DYSF: variants seen among roughly 807,000 people sequenced by gnomAD.
DYSF encodes dystrophy-associated fer-1-like 1.
In DYSF, 212 loss-of-function variants were observed where a neutral mutation model predicts 274.9. That is an observed-to-expected ratio of 0.77 (90% CI 0.69 to 0.86). The LOEUF (loss-of-function observed/expected upper bound fraction) is 0.86. Ranked by LOEUF, DYSF falls within the 40% of genes least tolerant of loss-of-function variation. The pLI, the probability that DYSF is intolerant of heterozygous loss-of-function variation, is 0.00. For synonymous variants in DYSF, 1,091 were observed against 1,078.7 expected (o/e 1.01, Z -0.22); for missense variants, 2,666 against 2,783.2 (o/e 0.96, Z 0.95).
intron 3 of DYSF, among the ~76,000 whole-genome samples, chr2:71,502,244 A>T (rs138551174): frequency 6.6e-6 from 1 of 152,034 alleles, no homozygotes; most frequent in South Asian, 2.1e-4. Flanking sequence ...TCTATATTCC[A>T]ATCAATATTT....
At chr2:71,528,488 G>A (rs1233985944) in intron 14 of DYSF, 87 bp downstream of exon 14, 1 of 1,131,096 alleles carries the variant, frequency 8.8e-7, no homozygotes, top group Middle Eastern at 2.1e-4. Context: ...AAGACAGAGT[G>A]AGATGCCCCC....
chr2:71,673,960 G>A (rs2095174697), intron 51 of DYSF, among the ~76,000 whole-genome samples: 1 of 152,172 alleles, frequency 6.6e-6, no homozygotes, highest in South Asian at 2.1e-4. Context: ...ACAGAGTTGG[G>A]AGGATTAATG....
In DYSF at chr2:71,612,668, C is replaced by A. The variant is rs376134165; in HGVS notation, c.4249C>A (p.Pro1417Thr). 1.9e-6 allele frequency: 3 copies of A among 1,614,132 alleles called. No individual in the cohort carries two copies. The highest frequency in any genetic ancestry group is 1.7e-5 in the Admixed American group (1 of 60,014). Reference protein sequence around the residue: ...VMLPREELYCPPITVKVIDNR... With the variant: ...VMLPREELYCTPITVKVIDNR... ...GCTGCCCAGGGAGGAGCTCTACTGC[C>A]CCCCCATCACCGTCAAGGTCATCGA... Residue 1417 changes from proline (P) to threonine (T), a missense_variant, in exon 39 of 56, where the codon CCC becomes ACC. This residue lies in a region of DYSF where 1,460 missense variants were observed against 1,502.1 expected (regional missense o/e 0.97). Coordinates refer to ENST00000410020, the MANE Select transcript of DYSF (RefSeq NM_001130987.2).
At chr2:71,650,397 C>T (rs2094635362) in intron 42 of DYSF, among the ~76,000 whole-genome samples, 1 of 152,146 alleles carries the variant, frequency 6.6e-6, no homozygotes, top group African/African-American at 2.4e-5. Context: ...AGGAGAATCG[C>T]TTGAACCTGG....
intron 45 of DYSF, among the ~76,000 whole-genome samples, chr2:71,663,926 CT>C (rs745961975): frequency 6.6e-6 from 1 of 152,200 alleles, no homozygotes; most frequent in Non-Finnish European, 1.5e-5. Context: ...GCTCTGGCCC[CT>C]GGCTCTGGAG....
Position 71,665,218 on chromosome 2 carries a change from T to G in DYSF, c.5231T>G (p.Phe1744Cys). The change falls in exon 47 of 56, where the codon TTC (phenylalanine) becomes TGC (cysteine). Residue 1744 changes from phenylalanine to cysteine, a missense_variant. Phe to Cys is a radical substitution (Grantham distance 205). Transcript: ENST00000410020. Reference protein sequence around the residue: ...QLRPSQLLHLFCQQHRVKAPV... With the variant: ...QLRPSQLLHLCCQQHRVKAPV... ...CGCCCCTCCCAGCTCCTCCACCTCT[T>G]CTGCCAGCAGCATAGAGTCAAGGCA... 6.2e-7 allele frequency: 1 copy of G among 1,614,088 alleles called. No homozygotes were observed. The highest frequency in any genetic ancestry group is 8.5e-7 in the Non-Finnish European group (1 of 1,180,032).
Position 71,611,455 on chromosome 2 carries a change from G to T in DYSF, c.4060-10G>T, listed in dbSNP as rs1464571468. On this transcript the variant is annotated splice_polypyrimidine_tract_variant and intron_variant, in intron 37 of 55. Transcript: ENST00000410020. ...CCTTCTGAGCCACTCTCCTCATTCT[G>T]TGTGCTTAGATCCTGGCATGGGGCC... 1 of 1,614,116 alleles carries T rather than the reference G, an allele frequency of 6.2e-7. No homozygotes were observed. The highest frequency in any genetic ancestry group is 1.7e-5 in the Admixed American group (1 of 60,026).
intron 16 of DYSF, among the ~76,000 whole-genome samples, chr2:71,538,026 A>G (rs1202395273): frequency 6.6e-6 from 1 of 152,230 alleles, no homozygotes; most frequent in East Asian, 1.9e-4. Context: ...CTACCCGGGA[A>G]GCAGCAGGTG....
chr2:71,527,861 A>G (rs1470666214), intron 13 of DYSF, among the ~76,000 whole-genome samples: 1 of 152,240 alleles, frequency 6.6e-6, no homozygotes, highest in East Asian at 1.9e-4. Context: ...TCTTAAAAAA[A>G]AAACAACAGA....
chr2:71,505,546 G>A (rs928531361), intron 4 of DYSF, among the ~76,000 whole-genome samples: 4 of 152,198 alleles, frequency 2.6e-5, no homozygotes, highest in Admixed American at 2.6e-4. Context: ...TGCAGACCCC[G>A]TTTGCCTTTT....
chr2:71,480,994 G>T, intron 2 of DYSF, 56 bp downstream of exon 2: 1 of 1,537,280 alleles, frequency 6.5e-7, no homozygotes, highest in African/African-American at 1.4e-5. Flanking sequence ...GTGTCTGCAG[G>T]GACAAGTTAG....
intron 33 of DYSF, among the ~76,000 whole-genome samples, chr2:71,599,827 T>C (rs2093502384): frequency 6.6e-6 from 1 of 152,192 alleles, no homozygotes; most frequent in South Asian, 2.1e-4. Context: ...AAGGTGCTGC[T>C]GTCTATATGC....
At chr2:71,493,851 CAAAA>C (rs145288384) in intron 3 of DYSF, among the ~76,000 whole-genome samples, 12 of 69,334 alleles carry the variant, frequency 1.7e-4, no homozygotes, top group African/African-American at 3.2e-4. Context: ...TACTCTGTCT[CAAAA>C]AAAAAAAAAA....
chr2:71,461,347 C>T (rs1048227949), intron 1 of DYSF, among the ~76,000 whole-genome samples: 9 of 152,122 alleles, frequency 5.9e-5, no homozygotes, highest in Admixed American at 3.3e-4. Flanking sequence ...TAAGCTGAGG[C>T]CTGAAGTATG....
chr2:71,522,506 G>A (rs1250832711), intron 12 of DYSF, among the ~76,000 whole-genome samples: 1 of 152,038 alleles, frequency 6.6e-6, no homozygotes, highest in African/African-American at 2.4e-5. Flanking sequence ...TTTCCAGTGG[G>A]TTCTTCAAAT....
At chr2:71,618,455 G>T (rs1558640501) in intron 40 of DYSF, among the ~76,000 whole-genome samples, 6 of 19,100 alleles carry the variant, frequency 3.1e-4, no homozygotes, top group East Asian at 1.4e-3. Context: ...TAGAGGTGGG[G>T]TTGTGTGTGT....
chr2:71,510,949 C>G (rs1041022739), intron 4 of DYSF, among the ~76,000 whole-genome samples: 5 of 152,238 alleles, frequency 3.3e-5, no homozygotes, highest in African/African-American at 1.2e-4. Flanking sequence ...CCTCTTTAAG[C>G]TTTCTGTGCT....
At chr2:71,666,236 A>G (rs1321809335) in intron 47 of DYSF, among the ~76,000 whole-genome samples, 1 of 152,194 alleles carries the variant, frequency 6.6e-6, no homozygotes, top group Non-Finnish European at 1.5e-5. Flanking sequence ...TCATGGTCAT[A>G]AAGTCATAGG....
rs1442982526 is a variant in DYSF, at chr2:71,608,837, A to G, written c.3958-2408A>G. On this transcript the variant is annotated intron_variant, in intron 36 of 55. Transcript: ENST00000410020. ...ATATTCTGGGAGGAATGTATTCATG[A>G]GTTTTCCTTAGTGATTTTAAGAGAA... Among the ~76,000 whole-genome samples, 6 of 152,100 alleles carry G rather than the reference A, an allele frequency of 3.9e-5. No homozygotes were observed. The East Asian group carries it at 1.2e-3, about 29-fold the overall frequency.
Sources: gnomAD v4.1 joint callset for allele counts (sites outside exome capture counted in the v4.1 genomes callset) on GRCh38, gnomAD v4.1.1 for gene constraint, gnomAD v4.1.1 regional missense constraint, MANE v1.5 for transcripts, NCBI Gene and HGNC (gene_info 2026-07-23, HGNC 2026-07-21) for gene names.